The following RRP12 variants were observed in gnomAD, a reference collection of about 807,000 sequenced individuals.
RRP12 encodes RRP12-like protein.
Under a neutral mutation model 157.3 loss-of-function variants are expected in RRP12, and 78 were observed. That is an observed-to-expected ratio of 0.50 (90% confidence interval 0.41 to 0.60). The LOEUF (loss-of-function observed/expected upper bound fraction) is 0.60, where lower values mean the gene tolerates loss of function less well. Ranked by LOEUF, RRP12 falls within the 20% of genes least tolerant of loss-of-function variation. The pLI is 0.00. For synonymous variants in RRP12, 726 were observed against 670.9 expected, an observed-to-expected ratio of 1.08 and a Z score of -1.27; for missense variants, 1,521 against 1,679.9, an observed-to-expected ratio of 0.91 and a Z score of 1.65.
chr10:97,359,111 G>T (rs771521314), intron 31 of RRP12, 101 bp from the exon 32 acceptor site: 4 of 828,630 alleles, frequency 4.8e-6, no homozygotes, highest in Non-Finnish European at 7.8e-6. Flanking sequence ...GGGAGCAGAT[G>T]AGTGAAGGCC....
At position 97,370,188 on chromosome 10, in the gene RRP12, G is replaced by A. The variant is rs1426325842; in HGVS notation, c.2776C>T (p.His926Tyr). The change falls in exon 24 of 34, where the codon CAC becomes TAC. Residue 926 changes from histidine (H) to tyrosine (Y), a missense_variant. Coordinates refer to ENST00000370992, the MANE Select transcript of RRP12 (RefSeq NM_015179.4). ...MVSCSILALTHLLFEFKGLMG... is the reference protein window; with the variant it reads ...MVSCSILALTYLLFEFKGLMG... ...TTACCTTTAAACTCGAAAAGGAGGTGGGTCAGGGCCAGGATGCTGCAGCTG... is the reference window on the plus strand; with the variant it reads ...TTACCTTTAAACTCGAAAAGGAGGTAGGTCAGGGCCAGGATGCTGCAGCTG... 1.9e-6 allele frequency: 3 copies of A among 1,604,312 alleles called. No individual in the cohort carries two copies. Among genetic ancestry groups the A allele is most frequent in the East Asian group, 4.5e-5 (2 of 44,558 alleles).
chr10:97,359,732 A>T (rs1589407597), intron 31 of RRP12, among the ~76,000 whole-genome samples: 1 of 152,236 alleles, frequency 6.6e-6, no homozygotes, highest in East Asian at 1.9e-4. Context: ...ACAGCTAAGC[A>T]GAGGTTGGGC....
chr10:97,357,650 T>G (rs1020693858), intron 33 of RRP12, among the ~76,000 whole-genome samples: 9 of 152,134 alleles, frequency 5.9e-5, no homozygotes, highest in African/African-American at 1.4e-4. Context: ...AAGCAAATTA[T>G]ACAAAGCTAT....
intron 10 of RRP12, 52 bp from the exon 11 acceptor site, chr10:97,381,878 G>A (rs755502633): frequency 1.5e-6 from 2 of 1,338,086 alleles, no homozygotes; most frequent in South Asian, 1.2e-5. Context: ...TGGGGACCCG[G>A]GCAACCAGGG....
At position 97,370,926 on chromosome 10, in the gene RRP12, C is replaced by T. The variant is rs1190134103; in HGVS notation, c.2499G>A (p.Lys833=). The change falls in exon 21 of 34, where the codon AAG becomes AAA. Residue 833 remains lysine (K), a synonymous_variant. Coordinates refer to ENST00000370992, the MANE Select transcript of RRP12 (RefSeq NM_015179.4). ...DSLRSTSSPA[K]RPRLKCLLHI... ...CGGGTGGCCCTAGAGCCCTCACCCT[C>T]TTGGCGGGTGAGGAGGTGCTCCGCA... 1 of 1,614,050 alleles carries T rather than the reference C, an allele frequency of 6.2e-7. No individual in the cohort carries two copies. Among genetic ancestry groups the T allele is most frequent in the Non-Finnish European group, 8.5e-7 (1 of 1,179,962 alleles).
intron 13 of RRP12, among the ~76,000 whole-genome samples, chr10:97,380,389 A>C (rs1464538195): frequency 2.6e-5 from 4 of 152,206 alleles, no homozygotes. Flanking sequence ...AGGATCCCTG[A>C]GTGATCCCTG....
rs112790671 is a variant in RRP12 at position 97,392,695 on chromosome 10, A to ATT, written c.530+987_530+988dup. 1.2e-3 allele frequency among the ~76,000 whole-genome samples: 172 copies of ATT among 144,362 alleles called. 2 individuals carry two copies. The highest frequency in any genetic ancestry group is 3.5e-3 in the Middle Eastern group (1 of 284). 94.7% of individuals were successfully genotyped at this position (144,362 alleles called of 152,430 possible). A position where few individuals can be genotyped will look rare whatever the true frequency, so the allele number is the denominator to read the frequency against. On this transcript the variant is annotated intron_variant, in intron 4 of 33. Transcript: ENST00000370992. ...TCAAAACAAATTTCATTTTCTTTCTATTTTTTTTTTTTTGAGACGGAGTCT... is the reference window on the plus strand; with the variant it reads ...TCAAAACAAATTTCATTTTCTTTCTATTTTTTTTTTTTTTTGAGACGGAGTCT...
Position 97,379,407 on chromosome 10 carries a change from G to C in RRP12, c.1684C>G (p.Leu562Val). The stretch of plus-strand genomic sequence containing the variant: ...AGCAGCCAGCTCCGTGGGAAATCCA[G>C]AGTCTCCCTGGGAAGAGAATGGGAA... ...PLEIDGSEET[L>V]DFPRSWLLPV... Residue 562 changes from leucine to valine, a missense_variant, in exon 15 of 34, where the codon CTG becomes GTG. Physicochemically the swap from Leu to Val is conservative, Grantham distance 32 (BLOSUM62 1). Transcript: ENST00000370992. The C allele has an allele frequency of 5.6e-6, 9 of 1,614,054 alleles. No homozygotes were observed. Among genetic ancestry groups the C allele is most frequent in the East Asian group, 2.2e-5 (1 of 44,884 alleles).
chr10:97,390,326 A>T, intron 6 of RRP12, 97 bp downstream of exon 6: 1 of 899,692 alleles, frequency 1.1e-6, no homozygotes, highest in South Asian at 1.3e-5. Flanking sequence ...ACTCAGGGCA[A>T]GCTCCCCAGT....
Position 97,369,546 on chromosome 10 carries a change from T to G in RRP12, c.2834A>C (p.Glu945Ala). 1 of 1,579,728 alleles carries G rather than the reference T, an allele frequency of 6.3e-7. No homozygotes were observed. The highest frequency in any genetic ancestry group is 1.7e-4 in the Middle Eastern group (1 of 6,028). Residue 945 changes from glutamate (E) to alanine (A), a missense_variant, in exon 25 of 34, where the codon GAG becomes GCG. Glu to Ala is a moderately radical substitution (Grantham distance 107). Transcript: ENST00000370992. ...GGAGGCCAGAAGCAGGCACACATTC[T>G]CCAGCAGCTGCTCCACTGTACTGGT... The part of the protein sequence containing the change: ...MGTSTVEQLL[E>A]NVCLLLASRT...
rs1297367361 is a variant in RRP12, at chr10:97,381,663, C to T, written c.1320+52G>A. The T allele has an allele frequency of 4.2e-5, 62 of 1,479,330 alleles. 1 individual carries two copies. The South Asian group carries it at 6.7e-4, about 16-fold the overall frequency. The allele number at this position is 1,479,330 out of a possible 1,614,324, so 91.6% of individuals were successfully genotyped here. A position where few individuals can be genotyped will look rare whatever the true frequency, so the allele number is the denominator to read the frequency against. On this transcript the variant is annotated intron_variant, in intron 11 of 33. Coordinates refer to ENST00000370992, the MANE Select transcript of RRP12 (RefSeq NM_015179.4). The stretch of plus-strand genomic sequence containing the variant: ...GGGGCCAGTGCTGGGAAAGACAGGG[C>T]AGCCCATAGAACCCCCTGTGCTCTC...
chr10:97,383,664 C>T (rs978509267), intron 10 of RRP12, among the ~76,000 whole-genome samples: 18 of 152,224 alleles, frequency 1.2e-4, no homozygotes, highest in African/African-American at 4.3e-4. Flanking sequence ...TATTAAGTGG[C>T]CAAGCCTGAA....
At chr10:97,371,124 C>G in intron 20 of RRP12, 43 bp from the exon 21 acceptor site, 1 of 1,595,412 alleles carries the variant, frequency 6.3e-7, no homozygotes, top group South Asian at 1.1e-5. Context: ...GGCTCACTCC[C>G]TGTCCAATGC....
At chr10:97,372,842 G>C in intron 18 of RRP12, 39 bp from the exon 19 acceptor site, 1 of 1,540,614 alleles carries the variant, frequency 6.5e-7, no homozygotes, top group Non-Finnish European at 8.8e-7. Flanking sequence ...AGAGTCATTG[G>C]GGAGGAGCGA....
At chr10:97,389,052 G>A (rs1844722067) in intron 6 of RRP12, among the ~76,000 whole-genome samples, 2 of 152,134 alleles carry the variant, frequency 1.3e-5, no homozygotes, top group Non-Finnish European at 2.9e-5. Flanking sequence ...ATAACAGAAG[G>A]TTAAAAAGTA....
At chr10:97,369,284 T>C in intron 25 of RRP12, 141 bp downstream of exon 25, 1 of 842,042 alleles carries the variant, frequency 1.2e-6, no homozygotes, top group East Asian at 2.7e-5. Flanking sequence ...GGCATTCCCC[T>C]ATGGTCCCTT....
rs147291878 is a variant in RRP12, at chr10:97,368,439, C to T, written c.2955+986G>A. On this transcript the variant is annotated intron_variant, in intron 25 of 33. Coordinates refer to ENST00000370992, the MANE Select transcript of RRP12 (RefSeq NM_015179.4). Reference sequence around the variant, plus strand: ...GTGGTGCAATCTTGGCTCACTGCAACATCCGCCTCCCAGGTTCAAGTGATT... The same window carrying T: ...GTGGTGCAATCTTGGCTCACTGCAATATCCGCCTCCCAGGTTCAAGTGATT... Among the ~76,000 whole-genome samples the T allele has an allele frequency of 4.2e-3, 636 of 152,170 alleles. 2 individuals carry two copies. The highest frequency in any genetic ancestry group is 0.014 in the African/African-American group (592 of 41,516).
At chr10:97,395,930 G>A (rs567338670) in intron 3 of RRP12, among the ~76,000 whole-genome samples, 1 of 150,970 alleles carries the variant, frequency 6.6e-6, no homozygotes. Context: ...GGAGGCCACC[G>A]CAAGATGACA....
In RRP12 at chr10:97,370,571, C is replaced by A. The variant is rs1466308689; in HGVS notation, c.2584-11G>T. Reference sequence around the variant, plus strand: ...GGTGCACAGGATCACCTGGCCAAGACAACTCCATCAGCATCTGCTCCCTGA... The same window carrying A: ...GGTGCACAGGATCACCTGGCCAAGAAAACTCCATCAGCATCTGCTCCCTGA... On this transcript the variant is annotated splice_polypyrimidine_tract_variant and intron_variant, in intron 22 of 33. Coordinates refer to ENST00000370992, the MANE Select transcript of RRP12 (RefSeq NM_015179.4). 1 of 1,607,894 alleles carries A rather than the reference C, an allele frequency of 6.2e-7. No homozygotes were observed. The highest frequency in any genetic ancestry group is 1.1e-5 in the South Asian group (1 of 90,726).
Sources: allele counts gnomAD v4.1 joint callset (sites outside exome capture counted in the v4.1 genomes callset), GRCh38; gene constraint gnomAD v4.1.1; transcripts MANE v1.5; gene names NCBI Gene and HGNC (gene_info 2026-07-23, HGNC 2026-07-21).